The following EPYC variants were observed in gnomAD, a reference collection of about 807,000 sequenced individuals.
EPYC encodes the protein epiphycan, also known as dermatan sulfate proteoglycan 3.
In EPYC, 28 loss-of-function variants were observed where a neutral mutation model predicts 30.1. That is an observed-to-expected ratio of 0.93 (90% CI 0.69 to 1.28). The LOEUF is 1.28. Among genes scored for constraint, EPYC ranks in the 50% most tolerant of loss-of-function variants. EPYC has a pLI of 0.00. For missense variants in EPYC, 382 were observed against 383.5 expected, an observed-to-expected ratio of 1.00 and a Z score of 0.03; for synonymous variants, 144 against 141.4, an observed-to-expected ratio of 1.02 and a Z score of -0.13.
chr12:90,983,228 A>G (rs1877362883), intron 2 of EPYC, among the ~76,000 whole-genome samples: 1 of 152,140 alleles, frequency 6.6e-6, no homozygotes, highest in South Asian at 2.1e-4. Flanking sequence ...TGTTTCATGG[A>G]CACAAAATAT....
At chr12:91,001,090 A>C (rs1877811274) in intron 2 of EPYC, among the ~76,000 whole-genome samples, 1 of 152,072 alleles carries the variant, frequency 6.6e-6, no homozygotes, top group Non-Finnish European at 1.5e-5. Context: ...TAAAGAGAGG[A>C]AAAATGGGAG....
At chr12:90,982,054 A>C (rs1877336218) in intron 2 of EPYC, among the ~76,000 whole-genome samples, 1 of 152,148 alleles carries the variant, frequency 6.6e-6, no homozygotes, top group Non-Finnish European at 1.5e-5. Context: ...ATAATTATCT[A>C]AAATGTCTAT....
At position 90,970,116 on chromosome 12, in the gene EPYC, C is replaced by T. The variant is rs1384210186; in HGVS notation, c.726G>A (p.Leu242=). ...GGTCCAAGTTGTTATCAGTGAGGTA[C>T]AGATGATGGAGATCATACATGTCCT... ...AFKDMYDLHH[L]YLTDNNLDHI... is the part of the protein sequence containing the mutation. Residue 242 remains leucine, a synonymous_variant, in exon 6 of 7, where the codon CTG becomes CTA. Coordinates refer to ENST00000261172, the MANE Select transcript of EPYC (RefSeq NM_004950.5). 8.1e-6 allele frequency: 13 copies of T among 1,613,498 alleles called. No individual in the cohort carries two copies. In the East Asian group the frequency reaches 2.7e-4, roughly 33 times the overall value.
intron 2 of EPYC, among the ~76,000 whole-genome samples, chr12:90,993,549 G>C (rs930716067): frequency 6.6e-6 from 1 of 151,988 alleles, no homozygotes; most frequent in African/African-American, 2.4e-5. Context: ...CTATTTTCAT[G>C]AATCTCTATG....
intron 2 of EPYC, among the ~76,000 whole-genome samples, chr12:90,987,145 C>T (rs947767966): frequency 6.6e-6 from 1 of 152,030 alleles, no homozygotes; most frequent in African/African-American, 2.4e-5. Context: ...TAAAATTTAC[C>T]TTGATCAAAA....
intron 2 of EPYC, among the ~76,000 whole-genome samples, chr12:90,994,828 G>T (rs951392580): frequency 2.0e-5 from 3 of 151,930 alleles, no homozygotes; most frequent in Non-Finnish European, 2.9e-5. Flanking sequence ...AGAATATTTG[G>T]ACTTTTACTC....
At position 90,978,270 on chromosome 12, in the gene EPYC, A is replaced by G. The variant is rs1183478308; in HGVS notation, c.166-8T>C. ...CACTGTGGCTATTTCAATCTGAAAAAAAAAAAAAAAAGAGAATTTCTTCAG... is the reference window on the plus strand; with the variant it reads ...CACTGTGGCTATTTCAATCTGAAAAGAAAAAAAAAAAGAGAATTTCTTCAG... On this transcript the variant is annotated splice_region_variant and splice_polypyrimidine_tract_variant and intron_variant, in intron 2 of 6. Transcript: ENST00000261172. 17 of 1,555,830 alleles carry G rather than the reference A, an allele frequency of 1.1e-5. No homozygotes were observed. Among genetic ancestry groups the G allele is most frequent in the Non-Finnish European group, 1.4e-5 (16 of 1,155,240 alleles).
chr12:90,976,177 C>T (rs555781595), intron 3 of EPYC, among the ~76,000 whole-genome samples: 1 of 152,076 alleles, frequency 6.6e-6, no homozygotes, highest in African/African-American at 2.4e-5. Context: ...ATCAGAGCCT[C>T]AGGAAATGGG....
At chr12:90,965,070 A>G (rs923820060) in intron 6 of EPYC, among the ~76,000 whole-genome samples, 4 of 152,158 alleles carry the variant, frequency 2.6e-5, no homozygotes, top group Admixed American at 6.5e-5. Flanking sequence ...TTTTATATAG[A>G]TTTTCCTATC....
chr12:90,993,581 C>A (rs1039631922), intron 2 of EPYC, among the ~76,000 whole-genome samples: 5 of 151,956 alleles, frequency 3.3e-5, no homozygotes, highest in African/African-American at 9.7e-5. Context: ...AAAATGGTTT[C>A]AATTTTGATG....
intron 2 of EPYC, among the ~76,000 whole-genome samples, chr12:90,990,297 A>C (rs967116344): frequency 6.6e-6 from 1 of 152,104 alleles, no homozygotes; most frequent in African/African-American, 2.4e-5. Context: ...TTCTTTGGAT[A>C]AAACTAGTAT....
At chr12:90,973,913 A>C (rs149970523) in intron 3 of EPYC, among the ~76,000 whole-genome samples, 3,992 of 152,170 alleles carry the variant, frequency 0.026, 76 homozygotes, top group Middle Eastern at 0.058. Context: ...AACTGGAAAA[A>C]GTGGAAGTGA....
chr12:90,967,794 G>A (rs1876935557), intron 6 of EPYC, among the ~76,000 whole-genome samples: 1 of 152,180 alleles, frequency 6.6e-6, no homozygotes, highest in East Asian at 1.9e-4. Flanking sequence ...GCAACATGGT[G>A]AGACCTGGTC....
intron 2 of EPYC, among the ~76,000 whole-genome samples, chr12:90,987,179 A>G (rs1302971447): frequency 6.6e-6 from 1 of 152,100 alleles, no homozygotes; most frequent in Non-Finnish European, 1.5e-5. Context: ...AAGGGTATCA[A>G]CCTAATGGCT....
chr12:91,000,622 A>G (rs1198057790), intron 2 of EPYC, among the ~76,000 whole-genome samples: 3 of 152,040 alleles, frequency 2.0e-5, no homozygotes, highest in African/African-American at 7.2e-5. Flanking sequence ...GACTTGTGAA[A>G]GGAATAAATA....
intron 2 of EPYC, among the ~76,000 whole-genome samples, chr12:90,998,830 C>T (rs1448531302): frequency 6.6e-6 from 1 of 152,034 alleles, no homozygotes; most frequent in Non-Finnish European, 1.5e-5. Context: ...GCTTCTCTCC[C>T]AAGGGTCTCA....
At chr12:90,977,058 C>A (rs1348983732) in intron 3 of EPYC, among the ~76,000 whole-genome samples, 1 of 152,054 alleles carries the variant, frequency 6.6e-6, no homozygotes, top group African/African-American at 2.4e-5. Flanking sequence ...ACAGTATTGC[C>A]TCTAAATTTG....
In EPYC at chr12:90,964,246, G is replaced by A. The variant is rs1368478858; in HGVS notation, c.879C>T (p.Asp293=). 30 of 1,613,306 alleles carry A rather than the reference G, an allele frequency of 1.9e-5. No individual in the cohort carries two copies. The highest frequency in any genetic ancestry group is 1.7e-4 in the Middle Eastern group (1 of 6,060). ...TAATAGGGTTTCCATCCAATCGAAT[G>A]TCCTCTAGTGCCTTACGAATATAAG... ...NLTYIRKALE[D]IRLDGNPINL... Residue 293 remains aspartate (D), a synonymous_variant, in exon 7 of 7, where the codon GAC becomes GAT. Coordinates refer to ENST00000261172, the MANE Select transcript of EPYC (RefSeq NM_004950.5).
At chr12:90,991,553 G>C (rs996069612) in intron 2 of EPYC, among the ~76,000 whole-genome samples, 3 of 152,028 alleles carry the variant, frequency 2.0e-5, no homozygotes, top group Non-Finnish European at 4.4e-5. Flanking sequence ...TGAAAATGAA[G>C]GTGTGGAACA....
Sources: allele counts gnomAD v4.1 joint callset (sites outside exome capture counted in the v4.1 genomes callset), GRCh38; gene constraint gnomAD v4.1.1; transcripts MANE v1.5; gene names NCBI Gene and HGNC (gene_info 2026-07-23, HGNC 2026-07-21).